GALNTL6: variants seen among roughly 807,000 people sequenced by gnomAD.
The protein encoded by GALNTL6 is polypeptide N-acetylgalactosaminyltransferase like 6.
GALNTL6 carries 46 observed loss-of-function variants against 73.7 expected under a neutral mutation model. The observed-to-expected ratio is 0.62, with a 90% CI of 0.49 to 0.80. The LOEUF (loss-of-function observed/expected upper bound fraction) is 0.80, where lower values mean the gene tolerates loss of function less well. Among genes scored for constraint, GALNTL6 ranks in the 30% least tolerant of loss-of-function variants. The probability of loss-of-function intolerance (pLI) is 0.00; values close to 1 mark genes in which losing one functional copy is unlikely to be tolerated. For missense variants in GALNTL6, 604 were observed against 755.0 expected (o/e 0.80, Z 2.34); for synonymous variants, 259 against 263.7 (o/e 0.98, Z 0.17).
At chr4:172,472,362 T>C (rs1256879888) in intron 5 of GALNTL6, among the ~76,000 whole-genome samples, 3 of 152,206 alleles carry the variant, frequency 2.0e-5, no homozygotes, top group African/African-American at 7.2e-5. Flanking sequence ...ATCTGAACCC[T>C]TTAGTTAGTA....
At chr4:172,037,534 T>C (rs185469235) in intron 2 of GALNTL6, among the ~76,000 whole-genome samples, 108 of 152,270 alleles carry the variant, frequency 7.1e-4, no homozygotes, top group African/African-American at 2.4e-3. Context: ...TACATTCCTC[T>C]CTTTTCCTTG....
At chr4:172,059,754 T>C (rs540322308) in intron 2 of GALNTL6, among the ~76,000 whole-genome samples, 2 of 152,362 alleles carry the variant, frequency 1.3e-5, no homozygotes, top group East Asian at 3.9e-4. Flanking sequence ...ATGCTATGTT[T>C]ATTTGAAGTT....
intron 5 of GALNTL6, among the ~76,000 whole-genome samples, chr4:172,772,376 CTGTT>C (rs1298464560): frequency 6.6e-6 from 1 of 152,104 alleles, no homozygotes; most frequent in African/African-American, 2.4e-5. Context: ...AGAGATGTAA[CTGTT>C]TGGTTTTGTG....
At position 171,839,539 on chromosome 4, in the gene GALNTL6, C is replaced by T. The variant is rs1252838996; in HGVS notation, c.138+24821C>T. 3.3e-5 allele frequency among the ~76,000 whole-genome samples: 5 copies of T among 151,786 alleles called. No homozygotes were observed. The East Asian group carries it at 7.7e-4, about 23-fold the overall frequency. On this transcript the variant is annotated intron_variant, in intron 2 of 12. Coordinates refer to ENST00000506823, the MANE Select transcript of GALNTL6 (RefSeq NM_001034845.3). ...TGATCTTGGTAACTCTACTTATGGC[C>T]CCCATTCCCAACACACACACATACA...
At chr4:172,020,586 A>G (rs910566112) in intron 2 of GALNTL6, among the ~76,000 whole-genome samples, 7 of 151,914 alleles carry the variant, frequency 4.6e-5, no homozygotes, top group African/African-American at 1.2e-4. Context: ...TCCCAAATAC[A>G]TACACCTACC....
chr4:172,488,055 T>C (rs1471251135), intron 5 of GALNTL6, among the ~76,000 whole-genome samples: 1 of 152,210 alleles, frequency 6.6e-6, no homozygotes, highest in Admixed American at 6.5e-5. Context: ...CAAGTTGTCA[T>C]GAAAATTCAC....
intron 7 of GALNTL6, among the ~76,000 whole-genome samples, chr4:172,825,186 C>T (rs1742198691): frequency 6.8e-6 from 1 of 146,830 alleles, no homozygotes; most frequent in South Asian, 2.2e-4. Flanking sequence ...CCTGGAAATA[C>T]ATTTAAGAGA....
intron 2 of GALNTL6, among the ~76,000 whole-genome samples, chr4:171,840,868 T>G (rs549072163): frequency 1.3e-5 from 2 of 152,262 alleles, no homozygotes; most frequent in East Asian, 3.9e-4. Context: ...TTCTCCCCCA[T>G]TGGAAAATTG....
chr4:172,743,265 A>G (rs1197086451), intron 5 of GALNTL6, among the ~76,000 whole-genome samples: 1 of 152,030 alleles, frequency 6.6e-6, no homozygotes, highest in Non-Finnish European at 1.5e-5. Context: ...ACCACAGCCT[A>G]GAGTTGTTGC....
intron 5 of GALNTL6, among the ~76,000 whole-genome samples, chr4:172,357,634 TACACAC>T (rs5864129): frequency 0.57 from 82,989 of 145,764 alleles, 25,822 homozygotes; most frequent in Non-Finnish European, 0.71. Flanking sequence ...TATAGATATA[TACACAC>T]ACACACACAC....
At chr4:172,209,108 T>G (rs557534677) in intron 2 of GALNTL6, among the ~76,000 whole-genome samples, 4 of 152,228 alleles carry the variant, frequency 2.6e-5, no homozygotes, top group African/African-American at 9.6e-5. Flanking sequence ...TTGCAAAGAA[T>G]AATATTTGCT....
At chr4:172,139,827 A>G in intron 2 of GALNTL6, among the ~76,000 whole-genome samples, 1 of 152,140 alleles carries the variant, frequency 6.6e-6, no homozygotes, top group East Asian at 1.9e-4. Context: ...AAACATTTCC[A>G]AGACCTAATT....
At chr4:172,108,706 GA>G (rs1732760238) in intron 2 of GALNTL6, among the ~76,000 whole-genome samples, 1 of 152,028 alleles carries the variant, frequency 6.6e-6, no homozygotes. Context: ...GGGGGAAAAG[GA>G]AAGCGGAGGT....
At chr4:171,827,538 T>G (rs945396467) in intron 2 of GALNTL6, among the ~76,000 whole-genome samples, 3 of 152,182 alleles carry the variant, frequency 2.0e-5, no homozygotes, top group Non-Finnish European at 2.9e-5. Context: ...TTTAGGTTGT[T>G]GACTCCCAGA....
chr4:172,246,798 C>T (rs757136824), intron 3 of GALNTL6, among the ~76,000 whole-genome samples: 6 of 146,072 alleles, frequency 4.1e-5, no homozygotes, highest in Admixed American at 2.1e-4. Flanking sequence ...TGAAGCCAGG[C>T]GATTTATATA....
intron 5 of GALNTL6, among the ~76,000 whole-genome samples, chr4:172,566,580 T>TA (rs899195029): frequency 9.2e-5 from 14 of 151,664 alleles, no homozygotes; most frequent in Middle Eastern, 3.4e-3. Flanking sequence ...TGCCTGCATT[T>TA]AAAAAAATCT....
intron 2 of GALNTL6, among the ~76,000 whole-genome samples, chr4:172,218,904 G>C (rs1355537953): frequency 6.6e-6 from 1 of 151,478 alleles, no homozygotes; most frequent in Non-Finnish European, 1.5e-5. Flanking sequence ...TTGACAGTTT[G>C]TTAAGTAATA....
At chr4:172,424,301 A>G (rs887713541) in intron 5 of GALNTL6, among the ~76,000 whole-genome samples, 2 of 152,044 alleles carry the variant, frequency 1.3e-5, no homozygotes, top group African/African-American at 4.8e-5. Flanking sequence ...ACATATCATG[A>G]GACTTTCTTT....
chr4:172,020,078 A>G (rs1029216353), intron 2 of GALNTL6, among the ~76,000 whole-genome samples: 3 of 152,114 alleles, frequency 2.0e-5, no homozygotes, highest in African/African-American at 7.2e-5. Flanking sequence ...TGAATCAATG[A>G]ATAAATTAAG....
Sources: allele counts gnomAD v4.1 joint callset (sites outside exome capture counted in the v4.1 genomes callset), GRCh38; gene constraint gnomAD v4.1.1; transcripts MANE v1.5; gene names NCBI Gene and HGNC (gene_info 2026-07-23, HGNC 2026-07-21).